Variants in SYNE2 observed in about 807,000 individuals in gnomAD.
SYNE2 encodes spectrin repeat containing nuclear envelope protein 2.
In SYNE2, 431 loss-of-function variants were observed where a neutral mutation model predicts 856.3. The observed-to-expected ratio is 0.50, with a 90% CI of 0.47 to 0.55. The LOEUF is 0.55. Ranked by LOEUF, SYNE2 falls within the 20% of genes least tolerant of loss-of-function variation. The probability of loss-of-function intolerance (pLI) is 0.00; values close to 1 mark genes in which losing one functional copy is unlikely to be tolerated. For missense variants in SYNE2, 8,129 were observed against 8,023.2 expected, an observed-to-expected ratio of 1.01 and a Z score of -0.50; for synonymous variants, 2,923 against 2,872.3, an observed-to-expected ratio of 1.02 and a Z score of -0.56.
At chr14:63,930,557 A>G (rs996540399) in intron 2 of SYNE2, among the ~76,000 whole-genome samples, 1 of 147,992 alleles carries the variant, frequency 6.8e-6, no homozygotes, top group Non-Finnish European at 1.5e-5. Flanking sequence ...TTTTAAAGAC[A>G]GAGTCCTGCT....
intron 8 of SYNE2, among the ~76,000 whole-genome samples, chr14:63,956,741 T>A (rs2096246187): frequency 6.6e-6 from 1 of 152,198 alleles, no homozygotes; most frequent in Non-Finnish European, 1.5e-5. Context: ...TTCTTGTCAT[T>A]ATTCCCTAAA....
chr14:64,100,534 ATATATAT>A lies in SYNE2; in HGVS notation c.12382-1397_12382-1391del, dbSNP rs1567298781. Among the ~76,000 whole-genome samples the A allele has an allele frequency of 9.8e-3, 455 of 46,588 alleles. 26 individuals carry two copies. The highest frequency in any genetic ancestry group is 0.042 in the African/African-American group (354 of 8,466). The allele number at this position is 46,588 out of a possible 152,430, so 30.6% of individuals were successfully genotyped here. A position where few individuals can be genotyped will look rare whatever the true frequency, so the allele number is the denominator to read the frequency against. ...TGTCTCAAAAAAAAAAAAAAAAAAT[ATATATAT>A]ATATATATATATATATATATATATA... On this transcript the variant is annotated intron_variant, in intron 63 of 115. Transcript: ENST00000555002.
chr14:64,105,120 G>A (rs886391796), intron 64 of SYNE2, among the ~76,000 whole-genome samples: 3 of 152,096 alleles, frequency 2.0e-5, no homozygotes, highest in Admixed American at 6.6e-5. Context: ...TTTTGCCATC[G>A]TCTTATTTCA....
At chr14:63,811,506 T>A (rs1206716509) in intron 1 of SYNE2, among the ~76,000 whole-genome samples, 2 of 150,872 alleles carry the variant, frequency 1.3e-5, no homozygotes, top group Admixed American at 6.6e-5. Context: ...CAAGTAATCC[T>A]CCAGCCTTGG....
chr14:64,213,966 A>C (rs968184808), intron 105 of SYNE2, among the ~76,000 whole-genome samples: 2 of 152,212 alleles, frequency 1.3e-5, no homozygotes, highest in Admixed American at 6.5e-5. Flanking sequence ...TTTCCTAAGA[A>C]AAAATAGCTG....
intron 102 of SYNE2, 93 bp downstream of exon 102, chr14:64,209,671 TC>T: frequency 6.4e-7 from 1 of 1,551,098 alleles, no homozygotes; most frequent in Middle Eastern, 2.2e-4. Flanking sequence ...GTAGCCAGCT[TC>T]CCCTCACCTC....
intron 2 of SYNE2, among the ~76,000 whole-genome samples, chr14:63,913,825 G>A (rs55723325): frequency 5.6e-5 from 8 of 142,936 alleles, no homozygotes; most frequent in Non-Finnish European, 1.1e-4. Context: ...GATAATAAAT[G>A]GCTGTTTAAA....
intron 1 of SYNE2, among the ~76,000 whole-genome samples, chr14:63,887,261 C>T (rs951858313): frequency 1.3e-4 from 19 of 151,228 alleles, no homozygotes; most frequent in Admixed American, 7.9e-4. Flanking sequence ...AGCTGGGCAA[C>T]AGAGTGAGAC....
intron 71 of SYNE2, 46 bp from the exon 72 acceptor site, chr14:64,126,281 G>A (rs1459893896): frequency 6.4e-7 from 1 of 1,560,316 alleles, no homozygotes; most frequent in East Asian, 2.2e-5. Context: ...GGTCTAGGAA[G>A]GCAAAGGTAT....
chr14:64,082,992 C>T (rs1191658081), intron 57 of SYNE2, among the ~76,000 whole-genome samples: 4 of 152,124 alleles, frequency 2.6e-5, no homozygotes, highest in African/African-American at 9.7e-5. Flanking sequence ...TTTCCCTTCT[C>T]TTATTCTGCC....
intron 61 of SYNE2, among the ~76,000 whole-genome samples, chr14:64,097,427 G>A (rs17101657): frequency 0.13 from 20,153 of 152,174 alleles, 1,556 homozygotes; most frequent in African/African-American, 0.21. Context: ...TCTCTCAGTG[G>A]TTCCCAAATG....
At chr14:63,792,600 T>C (rs555536200) in intron 1 of SYNE2, among the ~76,000 whole-genome samples, 147 of 152,212 alleles carry the variant, frequency 9.7e-4, no homozygotes, top group Middle Eastern at 3.4e-3. Flanking sequence ...TCAGATAAAA[T>C]AGACTTTAAG....
rs2097779825 is a variant in SYNE2 at position 64,107,608 on chromosome 14, G to GT, written c.12609+2dup. On this transcript the variant is annotated splice_donor_variant, in intron 65 of 115. Transcript: ENST00000555002. LOFTEE classifies it high-confidence loss of function. ...CCTAAGGCCCAACCAAACAGAAGAG[G>GT]TAAGTCCTGGTTGGTAATAAGTAAA... 3.7e-6 allele frequency: 6 copies of GT among 1,611,808 alleles called. No individual in the cohort carries two copies. The highest frequency in any genetic ancestry group is 5.1e-6 in the Non-Finnish European group (6 of 1,177,904).
Position 64,174,930 on chromosome 14 carries a change from CT to C in SYNE2, c.17236-6del. 3 of 1,611,886 alleles carry C rather than the reference CT, an allele frequency of 1.9e-6. No homozygotes were observed. Among genetic ancestry groups the C allele is most frequent in the Non-Finnish European group, 8.5e-7 (1 of 1,178,226 alleles). ...TCAGAAACCTAAGCAAATTACTTCT[CT>C]TTTTTTTCTTAGAATAAAGAAATTC... On this transcript the variant is annotated splice_polypyrimidine_tract_variant and intron_variant, in intron 94 of 115. Coordinates refer to ENST00000555002, the MANE Select transcript of SYNE2 (RefSeq NM_182914.3).
Position 64,168,983 on chromosome 14 carries a change from G to A in SYNE2, c.17000+12G>A. The stretch of plus-strand genomic sequence containing the variant: ...GAAATAGAGAACAGGTGAGCTGTCT[G>A]GGCCTCATGAAGGTTGTGGGCGGAT... On this transcript the variant is annotated intron_variant, in intron 93 of 115. Transcript: ENST00000555002. 6.2e-7 allele frequency: 1 copy of A among 1,605,862 alleles called. No individual in the cohort carries two copies. The highest frequency in any genetic ancestry group is 1.1e-5 in the South Asian group (1 of 90,906).
At chr14:63,766,468 TA>T (rs1215737096) in intron 1 of SYNE2, among the ~76,000 whole-genome samples, 9 of 152,184 alleles carry the variant, frequency 5.9e-5, no homozygotes, top group Non-Finnish European at 1.3e-4. Flanking sequence ...CCTGTGATAC[TA>T]AAAAAAGCTC....
chr14:64,216,601 A>G (rs556432059), intron 108 of SYNE2, among the ~76,000 whole-genome samples: 223 of 152,306 alleles, frequency 1.5e-3, no homozygotes, highest in African/African-American at 5.2e-3. Context: ...CTGGCCAAAA[A>G]CCATCTTTCT....
At chr14:64,221,728 G>A (rs751806276) in intron 112 of SYNE2, 24 bp downstream of exon 112, 3 of 1,613,200 alleles carry the variant, frequency 1.9e-6, no homozygotes, top group Non-Finnish European at 2.5e-6. Flanking sequence ...CAAGGGCTCT[G>A]TACTGCCACC....
chr14:64,078,771 A>G (rs2097492327), intron 55 of SYNE2, among the ~76,000 whole-genome samples, 165 bp downstream of exon 55: 1 of 152,162 alleles, frequency 6.6e-6, no homozygotes, highest in Admixed American at 6.5e-5. Flanking sequence ...GGAAAGTTGC[A>G]TTTAAAAATT....
Sources: gnomAD v4.1 joint callset for allele counts (sites outside exome capture counted in the v4.1 genomes callset) on GRCh38, gnomAD v4.1.1 for gene constraint, MANE v1.5 for transcripts, NCBI Gene and HGNC (gene_info 2026-07-23, HGNC 2026-07-21) for gene names.